ABCB11: variants seen among roughly 807,000 people sequenced by gnomAD.
ABCB11 encodes ATP binding cassette subfamily B member 11, also known as bile salt export pump.
A neutral mutation model predicts 148.0 loss-of-function variants in ABCB11; 95 were observed. The ratio of observed to expected loss-of-function variants is 0.64; its 90% CI spans 0.54 to 0.76. The LOEUF is 0.76. ABCB11 is among the 30% of genes least tolerant of loss of function. ABCB11 has a pLI of 0.00. For synonymous variants in ABCB11, 591 were observed against 555.4 expected (o/e 1.06, Z -0.90); for missense variants, 1,523 against 1,617.8 (o/e 0.94, Z 1.01).
intron 17 of ABCB11, among the ~76,000 whole-genome samples, chr2:168,964,531 A>G (rs920483674): frequency 6.6e-6 from 1 of 151,696 alleles, no homozygotes; most frequent in Non-Finnish European, 1.5e-5. Flanking sequence ...CAAGTGTTGG[A>G]CCCAGATTCA....
At chr2:169,016,891 C>A in intron 2 of ABCB11, 92 bp from the exon 3 acceptor site, 1 of 900,516 alleles carries the variant, frequency 1.1e-6, no homozygotes, top group South Asian at 1.6e-5. Flanking sequence ...GAAAAATATT[C>A]CTATAAATTA....
At chr2:168,991,550 A>C (rs10192504) in intron 8 of ABCB11, among the ~76,000 whole-genome samples, 9,128 of 151,912 alleles carry the variant, frequency 0.06, 919 homozygotes, top group African/African-American at 0.21. Context: ...CCCAAAGAAA[A>C]CCCTGGCACA....
In ABCB11 at chr2:168,921,595, T is replaced by C. The variant is rs532449680; in HGVS notation, c.*2027A>G. ...TACCATTTTTTGAGTGTTTTTCTAA[T>C]CACTGCATTGGCTCTGTTACTTCTA... On this transcript the variant is annotated 3_prime_UTR_variant, in exon 28 of 28. Coordinates refer to ENST00000650372, the MANE Select transcript of ABCB11 (RefSeq NM_003742.4). Among the ~76,000 whole-genome samples, 8 of 152,314 alleles carry C rather than the reference T, an allele frequency of 5.3e-5. No homozygotes were observed. Among genetic ancestry groups the C allele is most frequent in the Non-Finnish European group, 1.2e-4 (8 of 68,016 alleles).
At chr2:169,017,940 C>G (rs1353151195) in intron 2 of ABCB11, 110 bp downstream of exon 2, 3 of 874,376 alleles carry the variant, frequency 3.4e-6, no homozygotes, top group South Asian at 2.6e-5. Context: ...AATGATACTT[C>G]TACCTACTGT....
intron 19 of ABCB11, among the ~76,000 whole-genome samples, chr2:168,956,434 A>C (rs1692795339): frequency 6.6e-6 from 1 of 151,530 alleles, no homozygotes. Context: ...TGTATATCTG[A>C]TGTATCAGTT....
intron 2 of ABCB11, among the ~76,000 whole-genome samples, chr2:169,017,756 A>G (rs970569299): frequency 7.9e-5 from 12 of 152,136 alleles, no homozygotes; most frequent in African/African-American, 2.9e-4. Context: ...ACAATACAGG[A>G]CTAAAGGTAG....
chr2:169,002,425 A>G (rs1228302161), intron 5 of ABCB11, among the ~76,000 whole-genome samples: 1 of 152,198 alleles, frequency 6.6e-6, no homozygotes, highest in African/African-American at 2.4e-5. Context: ...GAACTGCTAT[A>G]TAACCTAGCA....
intron 12 of ABCB11, among the ~76,000 whole-genome samples, chr2:168,974,276 G>A (rs904545085): frequency 2.1e-4 from 32 of 151,890 alleles, no homozygotes; most frequent in African/African-American, 7.0e-4. Context: ...GGAAATTTGC[G>A]GATTTTAAGC....
chr2:168,918,801 TC>T (rs200990574), downstream of ABCB11, among the ~76,000 whole-genome samples: 1,142 of 152,318 alleles, frequency 7.5e-3, 7 homozygotes, highest in Middle Eastern at 0.02. Flanking sequence ...AAATGGGATC[TC>T]TGGTGAATCT....
intron 1 of ABCB11, among the ~76,000 whole-genome samples, chr2:169,020,630 A>G (rs1182255992): frequency 6.6e-6 from 1 of 152,040 alleles, no homozygotes; most frequent in Non-Finnish European, 1.5e-5. Context: ...GTCTCAAAAG[A>G]CCACATACTG....
chr2:168,965,867 T>C (rs1024309287), intron 17 of ABCB11, among the ~76,000 whole-genome samples: 5 of 151,852 alleles, frequency 3.3e-5, no homozygotes, highest in Non-Finnish European at 5.9e-5. Context: ...ATGTATCAAC[T>C]GAGTTGCTCC....
At chr2:168,966,580 G>C (rs1404462192) in intron 17 of ABCB11, among the ~76,000 whole-genome samples, 1 of 151,754 alleles carries the variant, frequency 6.6e-6, no homozygotes, top group Non-Finnish European at 1.5e-5. Context: ...AACTAACTTG[G>C]GGGACTAAAT....
chr2:168,988,589 T>G (rs60897043), intron 9 of ABCB11, among the ~76,000 whole-genome samples: 2 of 152,068 alleles, frequency 1.3e-5, no homozygotes, highest in African/African-American at 4.8e-5. Context: ...GAGTACAGTT[T>G]TCTCTTGACA....
chr2:168,915,940 C>T (rs1022653589), downstream of ABCB11, among the ~76,000 whole-genome samples: 23 of 152,198 alleles, frequency 1.5e-4, no homozygotes, highest in Non-Finnish European at 2.8e-4. Flanking sequence ...AGTGACTTAT[C>T]ACCTACATAA....
chr2:168,993,604 A>G (rs1447222458), intron 8 of ABCB11, 107 bp downstream of exon 8: 2 of 996,176 alleles, frequency 2.0e-6, no homozygotes, highest in African/African-American at 3.3e-5. Context: ...AGATAGTGAT[A>G]ATTATGTTGC....
chr2:168,927,616 C>T lies in ABCB11; in HGVS notation c.3412-254G>A, dbSNP rs140439151. Among the ~76,000 whole-genome samples, 1,388 of 152,190 alleles carry T rather than the reference C, an allele frequency of 9.1e-3. 16 individuals are homozygous for T. The highest frequency in any genetic ancestry group is 0.029 in the African/African-American group (1,217 of 41,512). ...CTGAACTCTGGCTCTACAGGTGGGG[C>T]AAACGAGAAAGACGCTCAGGTATTC... On this transcript the variant is annotated intron_variant, in intron 25 of 27. Transcript: ENST00000650372.
intron 19 of ABCB11, among the ~76,000 whole-genome samples, chr2:168,955,823 C>A (rs1335897223): frequency 6.6e-6 from 1 of 151,572 alleles, no homozygotes; most frequent in Non-Finnish European, 1.5e-5. Context: ...TTGTTACTTC[C>A]CAGATAAAAT....
intron 25 of ABCB11, among the ~76,000 whole-genome samples, chr2:168,930,319 TC>T (rs1414420420): frequency 1.3e-5 from 2 of 152,224 alleles, no homozygotes; most frequent in Non-Finnish European, 2.9e-5. Context: ...CTCTACTTTT[TC>T]CATTCCTGGT....
chr2:168,971,327 C>T (rs1394376157), intron 14 of ABCB11, among the ~76,000 whole-genome samples: 1 of 151,936 alleles, frequency 6.6e-6, no homozygotes, highest in African/African-American at 2.4e-5. Context: ...CTTAGCAGGC[C>T]ATCGGTGGCA....
Sources: allele counts gnomAD v4.1 joint callset (sites outside exome capture counted in the v4.1 genomes callset), GRCh38; gene constraint gnomAD v4.1.1; transcripts MANE v1.5; gene names NCBI Gene and HGNC (gene_info 2026-07-23, HGNC 2026-07-21).